Variants in NCOR2 observed in about 807,000 individuals in gnomAD.
NCOR2 encodes nuclear receptor corepressor 2.
NCOR2 carries 81 observed loss-of-function variants against 262.9 expected under a neutral mutation model. That is an observed-to-expected ratio of 0.31 (90% CI 0.26 to 0.37). NCOR2 has a LOEUF of 0.37. Ranked by LOEUF, NCOR2 falls within the 10% of genes least tolerant of loss-of-function variation. The pLI is 1.00. For missense variants in NCOR2, 3,385 were observed against 3,621.4 expected (o/e 0.93, Z 1.68); for synonymous variants, 1,659 against 1,559.3 (o/e 1.06, Z -1.51).
intron 11 of NCOR2, among the ~76,000 whole-genome samples, chr12:124,424,070 C>T (rs1005252901): frequency 2.6e-5 from 4 of 152,198 alleles, no homozygotes; most frequent in Non-Finnish European, 4.4e-5. Context: ...GCCCCACGGG[C>T]CGGCAGATAG....
At chr12:124,424,748 G>A (rs2043434555) in intron 11 of NCOR2, among the ~76,000 whole-genome samples, 1 of 152,208 alleles carries the variant, frequency 6.6e-6, no homozygotes, top group South Asian at 2.1e-4. Context: ...ACTGGGGAAG[G>A]AGTGTCATTG....
chr12:124,422,446 C>T (rs972409732), intron 12 of NCOR2, 55 bp downstream of exon 14: 33 of 1,606,596 alleles, frequency 2.1e-5, no homozygotes, highest in African/African-American at 1.6e-4. Context: ...CCTGAGTCCA[C>T]GCAGTTGCCC....
chr12:124,520,310 C>T (rs920859825), intron 1 of NCOR2, among the ~76,000 whole-genome samples: 2 of 152,244 alleles, frequency 1.3e-5, no homozygotes, highest in Admixed American at 6.5e-5. Flanking sequence ...CCCAGACCGT[C>T]GCCAAGACCA....
At chr12:124,342,165 C>T (rs556681484) in intron 33 of NCOR2, 91 bp from the exon 36 acceptor site, 1 of 1,428,270 alleles carries the variant, frequency 7.0e-7, no homozygotes, top group South Asian at 1.4e-5. Context: ...ACTTCTGCAC[C>T]CGGACAGCTT....
chr12:124,394,133 G>C (rs559606581), intron 16 of NCOR2, among the ~76,000 whole-genome samples: 1 of 152,256 alleles, frequency 6.6e-6, no homozygotes, highest in Admixed American at 6.5e-5. Context: ...CAAACCTAGG[G>C]AGCAGGGTCT....
At chr12:124,350,877 T>A in intron 27 of NCOR2, 140 bp from the exon 30 acceptor site, 1 of 905,026 alleles carries the variant, frequency 1.1e-6, no homozygotes, top group Non-Finnish European at 1.6e-6. Context: ...CTCAAATAGG[T>A]AAGAGTTTGC....
chr12:124,540,145 TAA>T (rs2137209041), upstream of NCOR2, among the ~76,000 whole-genome samples: 1 of 148,706 alleles, frequency 6.7e-6, no homozygotes, highest in East Asian at 2.1e-4. Flanking sequence ...GGTACACCCA[TAA>T]GTGAGCAAGG....
At chr12:124,495,347 C>T (rs777364614), upstream of NCOR2, 4 of 1,456,642 alleles carry the variant, frequency 2.7e-6, no homozygotes, top group South Asian at 1.4e-5. This position sits in a 1 kb window ranked among gnomAD's most constrained non-coding sequence, Gnocchi z 4.4. Context: ...CATCAGCTCA[C>T]GGGCCACCCC....
rs191930919 is a variant in NCOR2, at chr12:124,554,673, C to T, written c.-165+12635G>A. Among the ~76,000 whole-genome samples, 175 of 152,362 alleles carry T rather than the reference C, an allele frequency of 1.1e-3. 2 individuals carry two copies. The highest frequency in any genetic ancestry group is 4.2e-3 in the African/African-American group (174 of 41,582). On this transcript the variant is annotated intron_variant, in intron 1 of 32. Coordinates refer to the NCOR2 transcript ENST00000458234. ...CACAGCAAACCAGAGAGCACACACC[C>T]GATGCGCAGCACGCTTCCACCTTCC...
intron 20 of NCOR2, among the ~76,000 whole-genome samples, chr12:124,367,926 G>A (rs1004084008): frequency 1.7e-4 from 26 of 152,216 alleles, no homozygotes; most frequent in Non-Finnish European, 2.8e-4. Context: ...GAGCCACCGC[G>A]ACCGGCCTCT....
At position 124,428,967 on chromosome 12, in the gene NCOR2, G is replaced by A. The variant is rs143020562; in HGVS notation, c.1149+646C>T. 5.3e-3 allele frequency among the ~76,000 whole-genome samples: 805 copies of A among 152,326 alleles called. 2 individuals carry two copies. Among genetic ancestry groups the A allele is most frequent in the South Asian group, 0.011 (53 of 4,830 alleles). ...CAGGCTGACACCAACTTCCTCCCCA[G>A]GAGAAAAGGCTGCCTCTCTGCTTCC... On this transcript the variant is annotated intron_variant, in intron 10 of 46. Coordinates refer to ENST00000405201, the Ensembl canonical transcript of NCOR2.
In NCOR2 at chr12:124,520,308, G is replaced by A. The variant is rs538114700; in HGVS notation, c.-118+15257C>T. The stretch of plus-strand genomic sequence containing the variant: ...CCAGCACCATCTTCCCGCCCAGACC[G>A]TCGCCAAGACCAGGCGGGACCATGA... On this transcript the variant is annotated intron_variant, in intron 1 of 46. Coordinates refer to the NCOR2 transcript ENST00000404621. 7.2e-5 allele frequency among the ~76,000 whole-genome samples: 11 copies of A among 152,298 alleles called. No individual in the cohort carries two copies. In the South Asian group the frequency reaches 1.5e-3, roughly 20 times the overall value.
chr12:124,509,246 G>C lies in NCOR2; in HGVS notation c.-117-13878C>G, dbSNP rs535165991. 1.3e-3 allele frequency among the ~76,000 whole-genome samples: 198 copies of C among 148,280 alleles called. 18 individuals carry two copies. Among genetic ancestry groups the C allele is most frequent in the African/African-American group, 5.0e-3 (189 of 38,048 alleles). On this transcript the variant is annotated intron_variant, in intron 1 of 46. Coordinates refer to the NCOR2 transcript ENST00000404621. ...GGCACTGGCTTTGGTGGGGGGGGGGGGGGCTTAACTCTGAACTCTCAAGCT... is the reference window on the plus strand; with the variant it reads ...GGCACTGGCTTTGGTGGGGGGGGGGCGGGCTTAACTCTGAACTCTCAAGCT...
chr12:124,327,598 G>A (rs1317324666), exon 45 of NCOR2: 1 of 1,612,676 alleles, frequency 6.2e-7, no homozygotes, highest in East Asian at 2.2e-5. Context: ...GTGCTGGCAT[G>A]TTCCTGCACC....
intron 34 of NCOR2, 66 bp downstream of exon 36, chr12:124,341,756 AG>A: frequency 6.5e-7 from 1 of 1,540,402 alleles, no homozygotes; most frequent in Non-Finnish European, 8.7e-7. Context: ...GCGAGGCCAC[AG>A]GGGCACGCCC....
intron 1 of NCOR2, among the ~76,000 whole-genome samples, chr12:124,516,545 C>G (rs2049801236): frequency 6.6e-6 from 1 of 152,176 alleles, no homozygotes; most frequent in African/African-American, 2.4e-5. Context: ...CTTGTGGTTA[C>G]AATTACGGAG....
At position 124,412,354 on chromosome 12, in the gene NCOR2, C is replaced by T. The variant is rs1418777174; in HGVS notation, c.1482+7603G>A. ...CAGGGCAGGTGTCCTTGAGATGACA[C>T]GGTGGCACTGGCGTCTTGCTGCTGG... is the stretch of plus-strand genomic sequence containing the variant. On this transcript the variant is annotated intron_variant, in intron 13 of 46. Transcript: ENST00000405201. Among the ~76,000 whole-genome samples, 9 of 152,248 alleles carry T rather than the reference C, an allele frequency of 5.9e-5. No homozygotes were observed. The East Asian group carries it at 1.5e-3, about 26-fold the overall frequency.
rs562893900 is a variant in NCOR2 at position 124,358,111 on chromosome 12, G to A, written c.3101-1329C>T. On this transcript the variant is annotated intron_variant, in intron 22 of 46. Coordinates refer to ENST00000405201, the Ensembl canonical transcript of NCOR2. The stretch of plus-strand genomic sequence containing the variant: ...TGTGTGTGTGCGCGCGCGCACGTGC[G>A]TGCGTGTGAGTGCATGGATGTGTGT... Among the ~76,000 whole-genome samples the A allele has an allele frequency of 1.8e-4, 27 of 149,504 alleles. 1 individual carries two copies. The highest frequency in any genetic ancestry group is 3.0e-4 in the Non-Finnish European group (20 of 67,484).
intron 1 of NCOR2, among the ~76,000 whole-genome samples, chr12:124,543,629 A>T (rs1477153688): frequency 1.3e-5 from 2 of 152,164 alleles, no homozygotes; most frequent in Admixed American, 6.5e-5. Context: ...CCGCCATCAG[A>T]GACAGCAGCC....
Sources: allele counts gnomAD v4.1 joint callset (sites outside exome capture counted in the v4.1 genomes callset), GRCh38; gene constraint gnomAD v4.1.1; non-coding constraint Gnocchi (gnomAD v3.1); transcripts MANE v1.5; gene names NCBI Gene and HGNC (gene_info 2026-07-23, HGNC 2026-07-21).